Variants in MYCT1 observed in about 807,000 individuals in gnomAD.
The protein encoded by MYCT1 is MYC target 1, also known as myc target protein 1.
A neutral mutation model predicts 15.0 loss-of-function variants in MYCT1; 12 were observed. The ratio of observed to expected loss-of-function variants is 0.80; its 90% CI spans 0.51 to 1.29. The LOEUF (loss-of-function observed/expected upper bound fraction) is 1.29. Among genes scored for constraint, MYCT1 ranks in the 50% most tolerant of loss-of-function variants. The pLI, the probability that MYCT1 is intolerant of heterozygous loss-of-function variation, is 0.00. For synonymous variants in MYCT1, 104 were observed against 102.7 expected, an observed-to-expected ratio of 1.01 and a Z score of -0.07; for missense variants, 287 against 279.1, an observed-to-expected ratio of 1.03 and a Z score of -0.20.
At position 152,722,179 on chromosome 6, in the gene MYCT1, A is replaced by C. The variant is rs539108880; in HGVS notation, c.634A>C (p.Ser212Arg). 6.2e-7 allele frequency: 1 copy of C among 1,614,148 alleles called. No individual in the cohort carries two copies. The highest frequency in any genetic ancestry group is 2.2e-5 in the East Asian group (1 of 44,880). The change falls in exon 2 of 2, where the codon AGT becomes CGT. Residue 212 changes from serine (S) to arginine (R), a missense_variant. Coordinates refer to ENST00000367245, the MANE Select transcript of MYCT1 (RefSeq NM_025107.3). ...CCGTCCTGACTACTGGTCCAGTAAC[A>C]GTCTTCGAGTGGGCCTTTCAACACC... ...LSRPDYWSSNSLRVGLSTPPP... is the reference protein window; with the variant it reads ...LSRPDYWSSNRLRVGLSTPPP...
At chr6:152,708,272 AG>A (rs2099722645) in intron 1 of MYCT1, among the ~76,000 whole-genome samples, 1 of 151,958 alleles carries the variant, frequency 6.6e-6, no homozygotes. Context: ...TATACTTTCC[AG>A]TTGTTTGCTG....
chr6:152,703,433 G>A (rs2099721677), intron 1 of MYCT1, among the ~76,000 whole-genome samples: 1 of 152,006 alleles, frequency 6.6e-6, no homozygotes, highest in African/African-American at 2.4e-5. Context: ...ATTCTACAGT[G>A]AACATCCATA....
chr6:152,741,939 A>G, the MYCT1 span, among the ~76,000 whole-genome samples: 2 of 152,236 alleles, frequency 1.3e-5, no homozygotes, highest in African/African-American at 4.8e-5. Flanking sequence ...GGAAAGAAGT[A>G]TTGAACATTG....
the MYCT1 span, among the ~76,000 whole-genome samples, chr6:152,734,231 A>G: frequency 6.6e-6 from 1 of 152,160 alleles, no homozygotes; most frequent in Non-Finnish European, 1.5e-5. Flanking sequence ...ACTGATGGTT[A>G]AAAGGTTCCC....
At position 152,717,888 on chromosome 6, in the gene MYCT1, T is replaced by G. The variant is rs188244034; in HGVS notation, c.197-3854T>G. 3.6e-3 allele frequency among the ~76,000 whole-genome samples: 545 copies of G among 152,284 alleles called. 4 individuals are homozygous for G. The highest frequency in any genetic ancestry group is 5.6e-3 in the Non-Finnish European group (382 of 68,012). ...TTTTTGTAATTTGTATAATTTCCGT[T>G]GCACCCCCATCTTATCCTACTTTAT... On this transcript the variant is annotated intron_variant, in intron 1 of 1. Transcript: ENST00000367245.
the MYCT1 span, among the ~76,000 whole-genome samples, chr6:152,746,773 G>A: frequency 6.6e-6 from 1 of 152,154 alleles, no homozygotes; most frequent in African/African-American, 2.4e-5. Flanking sequence ...AAGTTCGAAT[G>A]ACTTGCAGCA....
At chr6:152,721,159 C>T (rs187259106) in intron 1 of MYCT1, among the ~76,000 whole-genome samples, 1 of 151,920 alleles carries the variant, frequency 6.6e-6, no homozygotes, top group Non-Finnish European at 1.5e-5. Context: ...ATATAGGTGA[C>T]TGTCTGGGAG....
the MYCT1 span, among the ~76,000 whole-genome samples, chr6:152,742,574 A>T: frequency 2.0e-5 from 3 of 152,302 alleles, no homozygotes; most frequent in Admixed American, 1.3e-4. Context: ...GGGGAAGATC[A>T]CTTTAGCAGC....
chr6:152,701,047 T>C (rs1463863539), intron 1 of MYCT1, among the ~76,000 whole-genome samples: 3 of 152,212 alleles, frequency 2.0e-5, no homozygotes, highest in South Asian at 2.1e-4. Context: ...CAATGGTTGA[T>C]AATATGAGTT....
In MYCT1 at chr6:152,722,238, A is replaced by C. The variant is rs2099724848; in HGVS notation, c.693A>C (p.Ala231=). 1 of 1,610,330 alleles carries C rather than the reference A, an allele frequency of 6.2e-7. No individual in the cohort carries two copies. The highest frequency in any genetic ancestry group is 2.2e-5 in the East Asian group (1 of 44,830). Residue 231 remains alanine (A), a synonymous_variant, in exon 2 of 2, where the codon GCA becomes GCC. Coordinates refer to ENST00000367245, the MANE Select transcript of MYCT1 (RefSeq NM_025107.3). The part of the protein sequence containing the change: ...PPPAYESIIK[A]FPDS ...CTGCCTATGAGTCCATCATCAAGGC[A>C]TTCCCAGATTCCTGAGTAGGGTGGC...
Position 152,723,538 on chromosome 6 carries a change from G to A in MYCT1, c.*1285G>A, listed in dbSNP as rs2099725087. 1 of 152,180 alleles carries A rather than the reference G, an allele frequency of 6.6e-6. No homozygotes were observed. The highest frequency in any genetic ancestry group is 6.5e-5 in the Admixed American group (1 of 15,274). 9.4% of individuals were successfully genotyped at this position (152,180 alleles called of 1,614,324 possible). A position where few individuals can be genotyped will look rare whatever the true frequency, so the allele number is the denominator to read the frequency against. On this transcript the variant is annotated 3_prime_UTR_variant, in exon 2 of 2. Coordinates refer to ENST00000367245, the MANE Select transcript of MYCT1 (RefSeq NM_025107.3). ...TGCCCATGAAGAATTCTCCTTCCTG[G>A]ATTGACTCTTAATCATCAGGCATCA...
downstream of MYCT1, among the ~76,000 whole-genome samples, chr6:152,727,082 G>A (rs2099725789): frequency 6.6e-6 from 1 of 151,790 alleles, no homozygotes; most frequent in Non-Finnish European, 1.5e-5. Context: ...ATGGTGGCGG[G>A]CGCCTGTAGT....
At chr6:152,704,246 C>A (rs1283830902) in intron 1 of MYCT1, among the ~76,000 whole-genome samples, 1 of 152,052 alleles carries the variant, frequency 6.6e-6, no homozygotes, top group Admixed American at 6.6e-5. Flanking sequence ...AAGCGATTTG[C>A]CCACCTTGGC....
chr6:152,731,408 A>G, the MYCT1 span, among the ~76,000 whole-genome samples: 3 of 152,110 alleles, frequency 2.0e-5, no homozygotes, highest in Non-Finnish European at 4.4e-5. Flanking sequence ...TCTAGGGTAC[A>G]TGTGCACAAC....
the MYCT1 span, among the ~76,000 whole-genome samples, chr6:152,734,058 T>C: frequency 6.6e-6 from 1 of 151,992 alleles, no homozygotes; most frequent in African/African-American, 2.4e-5. Flanking sequence ...AGTCCATCAA[T>C]CCTTCACCAG....
chr6:152,713,723 T>C (rs1387757582), intron 1 of MYCT1, among the ~76,000 whole-genome samples: 1 of 152,108 alleles, frequency 6.6e-6, no homozygotes, highest in Admixed American at 6.6e-5. Context: ...ATAAATAAAA[T>C]TTGGGGATTC....
At chr6:152,713,436 G>T (rs2099723088) in intron 1 of MYCT1, among the ~76,000 whole-genome samples, 1 of 151,978 alleles carries the variant, frequency 6.6e-6, no homozygotes, top group Non-Finnish European at 1.5e-5. Context: ...ACATTTTCCT[G>T]TTTCTTCATG....
the MYCT1 span, among the ~76,000 whole-genome samples, chr6:152,729,907 G>A: frequency 6.6e-6 from 1 of 152,114 alleles, no homozygotes; most frequent in Non-Finnish European, 1.5e-5. Flanking sequence ...ACAGAGTCAG[G>A]CAAATATCTT....
At chr6:152,717,844 A>C (rs1202140269) in intron 1 of MYCT1, among the ~76,000 whole-genome samples, 1 of 152,108 alleles carries the variant, frequency 6.6e-6, no homozygotes, top group Non-Finnish European at 1.5e-5. Context: ...AATTAAACAA[A>C]TCCATATCAA....
Sources: allele counts gnomAD v4.1 joint callset (sites outside exome capture counted in the v4.1 genomes callset), GRCh38; gene constraint gnomAD v4.1.1; transcripts MANE v1.5; gene names NCBI Gene and HGNC (gene_info 2026-07-23, HGNC 2026-07-21).